Variants in STX17 observed in about 807,000 individuals in gnomAD.
STX17 encodes the protein syntaxin 17.
A neutral mutation model predicts 35.9 loss-of-function variants in STX17; 29 were observed. That is an observed-to-expected ratio of 0.81 (90% CI 0.60 to 1.10). The LOEUF is 1.10. Among genes scored for constraint, STX17 ranks in the 50% least tolerant of loss-of-function variants. STX17 has a pLI of 0.00. For synonymous variants in STX17, 92 were observed against 118.3 expected, an observed-to-expected ratio of 0.78 and a Z score of 1.44; for missense variants, 312 against 352.3, an observed-to-expected ratio of 0.89 and a Z score of 0.92.
intron 2 of STX17, 128 bp from the exon 3 acceptor site, chr9:99,928,650 C>A: frequency 1.6e-6 from 1 of 606,610 alleles, no homozygotes; most frequent in Non-Finnish European, 2.9e-6. Context: ...TTAATTACCA[C>A]TACTAAATCA....
intron 6 of STX17, 86 bp downstream of exon 6, chr9:99,960,241 T>C (rs1430787869): frequency 1.5e-6 from 2 of 1,311,928 alleles, no homozygotes; most frequent in African/African-American, 3.0e-5. Context: ...AATTAGAATT[T>C]TAATAGAACT....
rs142350736 is a variant in STX17, at chr9:99,956,846, T to C, written c.416-3071T>C. Among the ~76,000 whole-genome samples, 3 of 152,334 alleles carry C rather than the reference T, an allele frequency of 2.0e-5. No homozygotes were observed. The East Asian group carries it at 5.8e-4, about 29-fold the overall frequency. On this transcript the variant is annotated intron_variant, in intron 4 of 7. Coordinates refer to ENST00000259400, the MANE Select transcript of STX17 (RefSeq NM_017919.3). The stretch of plus-strand genomic sequence containing the variant: ...GCATTCATAGGCTTTAAAGGTAAAA[T>C]AGTAATGCAGTTTTATAAAATACTA...
At chr9:99,928,877 A>G (rs1412125532) in intron 3 of STX17, 34 bp downstream of exon 3, 6 of 1,596,150 alleles carry the variant, frequency 3.8e-6, no homozygotes, top group Non-Finnish European at 5.1e-6. Flanking sequence ...CTAAATCAGT[A>G]TGAAAAAGAC....
At chr9:99,958,449 A>G (rs1479153913) in intron 4 of STX17, among the ~76,000 whole-genome samples, 1 of 152,248 alleles carries the variant, frequency 6.6e-6, no homozygotes, top group Non-Finnish European at 1.5e-5. Flanking sequence ...TCTGTTAACA[A>G]TAGCAGCAGC....
Position 99,968,416 on chromosome 9 carries a change from T to TG in STX17, c.670-18_670-17insG. ...TTCTCAACTCAGTTTCTAAATTGAA[T>TG]TTTTTTTTTTTTTACAGGCTGCAAA... On this transcript the variant is annotated splice_polypyrimidine_tract_variant and intron_variant, in intron 7 of 7. Coordinates refer to ENST00000259400, the MANE Select transcript of STX17 (RefSeq NM_017919.3). 1 of 240,994 alleles carries TG rather than the reference T, an allele frequency of 4.1e-6. No individual in the cohort carries two copies. Among genetic ancestry groups the TG allele is most frequent in the East Asian group, 1.0e-4 (1 of 9,728 alleles). 14.9% of individuals were successfully genotyped at this position (240,994 alleles called of 1,614,324 possible).
chr9:99,972,428 A>T lies in STX17; in HGVS notation c.*3755A>T, dbSNP rs1830034500. ...CCAATTTTGAAACTGTTCTTTCAGAATTGCCTCCAAAGACATTTTGCAGAT... is the reference window on the plus strand; with the variant it reads ...CCAATTTTGAAACTGTTCTTTCAGATTTGCCTCCAAAGACATTTTGCAGAT... On this transcript the variant is annotated 3_prime_UTR_variant, in exon 8 of 8. Coordinates refer to ENST00000259400, the MANE Select transcript of STX17 (RefSeq NM_017919.3). 6.6e-6 allele frequency among the ~76,000 whole-genome samples: 1 copy of T among 152,206 alleles called. No homozygotes were observed. Among genetic ancestry groups the T allele is most frequent in the Non-Finnish European group, 1.5e-5 (1 of 68,032 alleles).
intron 6 of STX17, among the ~76,000 whole-genome samples, chr9:99,963,657 C>A (rs1343895897): frequency 6.6e-6 from 1 of 152,088 alleles, no homozygotes; most frequent in Non-Finnish European, 1.5e-5. Flanking sequence ...TGTTTGGCTC[C>A]TTGCAAAAAT....
At chr9:99,914,454 C>T (rs936134842) in intron 1 of STX17, among the ~76,000 whole-genome samples, 1 of 152,172 alleles carries the variant, frequency 6.6e-6, no homozygotes, top group Non-Finnish European at 1.5e-5. Context: ...GCCCCAAATG[C>T]ATACCCTTGG....
intron 1 of STX17, among the ~76,000 whole-genome samples, chr9:99,911,931 A>G (rs995118793): frequency 2.0e-5 from 3 of 152,222 alleles, no homozygotes; most frequent in Non-Finnish European, 4.4e-5. Context: ...ACAGTGTATA[A>G]GAGTCCTCTT....
chr9:99,945,907 C>A (rs1829472977), intron 3 of STX17: 1 of 167,762 alleles, frequency 6.0e-6, no homozygotes. Context: ...CATAGTGAAA[C>A]CCCATCTCTA....
At chr9:99,916,068 G>C in intron 2 of STX17, 1 of 455,874 alleles carries the variant, frequency 2.2e-6, no homozygotes, top group Non-Finnish European at 4.4e-6. Context: ...CATTAAAGAA[G>C]TAAATCATTG....
At chr9:99,962,035 C>T (rs778314466) in intron 6 of STX17, among the ~76,000 whole-genome samples, 2 of 152,084 alleles carry the variant, frequency 1.3e-5, no homozygotes, top group Non-Finnish European at 2.9e-5. Context: ...GGTTTTGAAA[C>T]CATCATCTTT....
chr9:99,931,891 GTTTT>G (rs1232150240), intron 3 of STX17, among the ~76,000 whole-genome samples: 11 of 151,914 alleles, frequency 7.2e-5, no homozygotes. Flanking sequence ...GGTGTAATAG[GTTTT>G]TTTGTTTGTT....
intron 2 of STX17, among the ~76,000 whole-genome samples, chr9:99,922,222 C>G (rs1828904077): frequency 6.6e-6 from 1 of 152,128 alleles, no homozygotes; most frequent in African/African-American, 2.4e-5. Flanking sequence ...TCCTGGTCAT[C>G]AAAGATTTCC....
chr9:99,910,879 T>C (rs1828646628), intron 1 of STX17, among the ~76,000 whole-genome samples: 1 of 152,068 alleles, frequency 6.6e-6, no homozygotes, highest in Admixed American at 6.6e-5. Flanking sequence ...TCAACTTTTT[T>C]CCCCCTTTTT....
chr9:99,957,409 T>C (rs1829729469), intron 4 of STX17, among the ~76,000 whole-genome samples: 1 of 152,186 alleles, frequency 6.6e-6, no homozygotes, highest in South Asian at 2.1e-4. Context: ...ACAAATTCCT[T>C]GAGAGAATGT....
At chr9:99,911,157 TC>T (rs1227087853) in intron 1 of STX17, among the ~76,000 whole-genome samples, 1 of 151,928 alleles carries the variant, frequency 6.6e-6, no homozygotes, top group Non-Finnish European at 1.5e-5. Flanking sequence ...TGCCTCAGCC[TC>T]CGGAGCAGCT....
intron 4 of STX17, among the ~76,000 whole-genome samples, chr9:99,955,096 A>G (rs1829682105): frequency 6.6e-6 from 1 of 152,090 alleles, no homozygotes; most frequent in Non-Finnish European, 1.5e-5. Flanking sequence ...AAGGTGATTC[A>G]AGTCATACAG....
intron 4 of STX17, among the ~76,000 whole-genome samples, chr9:99,954,423 C>T (rs756836123): frequency 4.3e-4 from 65 of 151,822 alleles, no homozygotes; most frequent in Non-Finnish European, 7.7e-4. Flanking sequence ...GCTATATTGC[C>T]TCAAGTCCAG....
Sources: gnomAD v4.1 joint callset for allele counts (sites outside exome capture counted in the v4.1 genomes callset) on GRCh38, gnomAD v4.1.1 for gene constraint, MANE v1.5 for transcripts, NCBI Gene and HGNC (gene_info 2026-07-23, HGNC 2026-07-21) for gene names.